The following AGAP1 variants were observed in gnomAD, a reference collection of about 807,000 sequenced individuals.
AGAP1 encodes arf-GAP with GTPase, ANK repeat and PH domain-containing protein 1.
In AGAP1, 29 loss-of-function variants were observed where a neutral mutation model predicts 105.3. The observed-to-expected ratio is 0.28, with a 90% confidence interval of 0.21 to 0.38. The LOEUF is 0.38. Among genes scored for constraint, AGAP1 ranks in the 10% least tolerant of loss-of-function variants. The pLI is 1.00. For synonymous variants in AGAP1, 509 were observed against 485.9 expected, an observed-to-expected ratio of 1.05 and a Z score of -0.63; for missense variants, 998 against 1,165.1, an observed-to-expected ratio of 0.86 and a Z score of 2.09.
At chr2:235,661,932 G>A (rs1947971322) in intron 1 of AGAP1, among the ~76,000 whole-genome samples, 1 of 152,188 alleles carries the variant, frequency 6.6e-6, no homozygotes, top group South Asian at 2.1e-4. Context: ...CCCTACAGCT[G>A]GAGGGGAAGT....
intron 9 of AGAP1, among the ~76,000 whole-genome samples, chr2:235,818,043 C>T (rs1207512697): frequency 4.6e-5 from 7 of 152,194 alleles, no homozygotes; most frequent in Non-Finnish European, 8.8e-5. Context: ...AAGTCTAGTC[C>T]TCCTGGTTCA....
rs1199653069 is a variant in AGAP1, at chr2:236,002,256, C to G, written c.1645+33633C>G. Among the ~76,000 whole-genome samples, 1 of 152,150 alleles carries G rather than the reference C, an allele frequency of 6.6e-6. No homozygotes were observed. The highest frequency in any genetic ancestry group is 2.1e-4 in the South Asian group (1 of 4,826). On this transcript the variant is annotated intron_variant, in intron 13 of 17. Transcript: ENST00000304032. This position sits in a 1 kb window ranked among gnomAD's most constrained non-coding sequence, Gnocchi z 4.3. ...AATAAACAGACAAACACAACATGACCCACGCACCCAGCCTGAGCCCAGGAG... is the reference window on the plus strand; with the variant it reads ...AATAAACAGACAAACACAACATGACGCACGCACCCAGCCTGAGCCCAGGAG...
rs557026385 is a variant in AGAP1 at position 235,953,224 on chromosome 2, A to G, written c.1484-15238A>G. On this transcript the variant is annotated intron_variant, in intron 12 of 17. Coordinates refer to ENST00000304032, the MANE Select transcript of AGAP1 (RefSeq NM_001037131.3). The surrounding 1 kb of genome is among the most constrained non-coding windows in gnomAD (Gnocchi z 5.2). Reference sequence around the variant, plus strand: ...TTTTAGGTGTTTACAAAATATTTCTATGAGGACAGATAAGGGGGAATGAAT... The same window carrying G: ...TTTTAGGTGTTTACAAAATATTTCTGTGAGGACAGATAAGGGGGAATGAAT... Among the ~76,000 whole-genome samples, 1 of 152,348 alleles carries G rather than the reference A, an allele frequency of 6.6e-6. No homozygotes were observed. Among genetic ancestry groups the G allele is most frequent in the Non-Finnish European group, 1.5e-5 (1 of 68,024 alleles).
chr2:235,654,811 G>T (rs542322229), intron 1 of AGAP1, among the ~76,000 whole-genome samples: 3 of 152,028 alleles, frequency 2.0e-5, no homozygotes, highest in Non-Finnish European at 2.9e-5. Flanking sequence ...TTATTTTCAC[G>T]TAGGCAAGTG....
At chr2:235,539,971 G>A (rs1574803141) in intron 1 of AGAP1, among the ~76,000 whole-genome samples, 1 of 152,194 alleles carries the variant, frequency 6.6e-6, no homozygotes, top group South Asian at 2.1e-4. Flanking sequence ...CTCCGTTCAG[G>A]CCCACAGGAC....
chr2:235,882,377 C>G lies in AGAP1; in HGVS notation c.1051-968C>G. ...CTCCGGGCTCTTAGGAAATTTCACT[C>G]CGCTTCTGCCCAGTGGTCTCTTTGG... On this transcript the variant is annotated intron_variant, in intron 9 of 17. Coordinates refer to ENST00000304032, the MANE Select transcript of AGAP1 (RefSeq NM_001037131.3). The surrounding 1 kb of genome is among the most constrained non-coding windows in gnomAD (Gnocchi z 4.6). The G allele has an allele frequency of 4.7e-6, 7 of 1,503,678 alleles. No individual in the cohort carries two copies. The highest frequency in any genetic ancestry group is 5.5e-6 in the Non-Finnish European group (6 of 1,091,746). The allele number at this position is 1,503,678 out of a possible 1,614,324, so 93.1% of individuals were successfully genotyped here. A position where few individuals can be genotyped will look rare whatever the true frequency, so the allele number is the denominator to read the frequency against.
rs912737007 is a variant in AGAP1 at position 235,787,604 on chromosome 2, C to G, written c.674-10155C>G. Among the ~76,000 whole-genome samples the G allele has an allele frequency of 1.3e-5, 2 of 152,178 alleles. No individual in the cohort carries two copies. Among genetic ancestry groups the G allele is most frequent in the South Asian group, 4.1e-4 (2 of 4,832 alleles). ...GTCTGGATTTCACAATCTCCCACAT[C>G]TAGCAAATTGCCTGGCATATACTAG... On this transcript the variant is annotated intron_variant, in intron 6 of 17. Transcript: ENST00000304032. The surrounding 1 kb of genome is among the most constrained non-coding windows in gnomAD (Gnocchi z 4.4).
chr2:235,902,471 C>G (rs1559626998), intron 10 of AGAP1, among the ~76,000 whole-genome samples: 1 of 152,154 alleles, frequency 6.6e-6, no homozygotes, highest in African/African-American at 2.4e-5. Context: ...ATACCCCGGT[C>G]ATTTCAAGAA....
At chr2:236,116,240 C>T (rs536477497) in intron 16 of AGAP1, among the ~76,000 whole-genome samples, 1 of 152,082 alleles carries the variant, frequency 6.6e-6, no homozygotes, top group Admixed American at 6.5e-5. Flanking sequence ...CTCAGCCTCC[C>T]TTTTGTGGGT....
At chr2:235,617,973 G>A (rs1033812214) in intron 1 of AGAP1, among the ~76,000 whole-genome samples, 4 of 152,104 alleles carry the variant, frequency 2.6e-5, no homozygotes, top group African/African-American at 7.2e-5. Context: ...GGGCCGGCGA[G>A]TTAACTGAAC....
chr2:235,876,705 T>C (rs951917906), intron 9 of AGAP1, among the ~76,000 whole-genome samples: 36 of 152,224 alleles, frequency 2.4e-4, no homozygotes, highest in African/African-American at 8.2e-4. Flanking sequence ...CCCAGCACCT[T>C]GTCCCGATTT....
At chr2:235,644,594 T>A (rs1011876540) in intron 1 of AGAP1, among the ~76,000 whole-genome samples, 3 of 152,036 alleles carry the variant, frequency 2.0e-5, no homozygotes, top group Non-Finnish European at 4.4e-5. Flanking sequence ...CATTCAAACA[T>A]CCCTGTTGGG....
intron 1 of AGAP1, among the ~76,000 whole-genome samples, chr2:235,519,025 A>T (rs1942511593): frequency 6.6e-6 from 1 of 152,232 alleles, no homozygotes. Flanking sequence ...TACTATTCAC[A>T]ACAGCAATTT....
rs537000713 is a variant in AGAP1 at position 235,622,018 on chromosome 2, A to G, written c.164-87161A>G. 8.5e-5 allele frequency among the ~76,000 whole-genome samples: 13 copies of G among 152,256 alleles called. No homozygotes were observed. In the South Asian group the frequency reaches 2.5e-3, roughly 29 times the overall value. On this transcript the variant is annotated intron_variant, in intron 1 of 17. Coordinates refer to ENST00000304032, the MANE Select transcript of AGAP1 (RefSeq NM_001037131.3). This position sits in a 1 kb window ranked among gnomAD's most constrained non-coding sequence, Gnocchi z 5.0. ...GAATTTTAAATGCATTCCTCTAACT[A>G]GTGGTCAGCTTGCTACTGTCCAACC...
chr2:235,823,253 A>G (rs1482212718), intron 9 of AGAP1, among the ~76,000 whole-genome samples: 2 of 152,170 alleles, frequency 1.3e-5, no homozygotes, highest in East Asian at 1.9e-4. Flanking sequence ...ATAATTCTAT[A>G]GATTAACCCT....
rs1316033203 is a variant in AGAP1, at chr2:236,055,351, G to A, written c.2114+6070G>A. Among the ~76,000 whole-genome samples the A allele has an allele frequency of 1.3e-5, 2 of 152,202 alleles. No homozygotes were observed. Among genetic ancestry groups the A allele is most frequent in the Non-Finnish European group, 2.9e-5 (2 of 68,036 alleles). ...GTGGCTTTATGTGCCTTGTTTTCAT[G>A]TGTTTCTTTCAGTGCTCTCAGGGAG... On this transcript the variant is annotated intron_variant, in intron 16 of 17. Transcript: ENST00000304032. The surrounding 1 kb of genome is among the most constrained non-coding windows in gnomAD (Gnocchi z 6.2).
chr2:235,498,493 C>T (rs1001360103), intron 1 of AGAP1, among the ~76,000 whole-genome samples: 7 of 152,230 alleles, frequency 4.6e-5, no homozygotes, highest in African/African-American at 1.4e-4. Context: ...GCCATCTCGC[C>T]TCCAGTCTGA....
Position 235,961,123 on chromosome 2 carries a change from G to A in AGAP1, c.1484-7339G>A, listed in dbSNP as rs370115336. Among the ~76,000 whole-genome samples, 2 of 152,198 alleles carry A rather than the reference G, an allele frequency of 1.3e-5. No homozygotes were observed. The highest frequency in any genetic ancestry group is 2.9e-5 in the Non-Finnish European group (2 of 68,046). On this transcript the variant is annotated intron_variant, in intron 12 of 17. Transcript: ENST00000304032. The surrounding 1 kb of genome is among the most constrained non-coding windows in gnomAD (Gnocchi z 5.9). ...GCGAAGGCCTGCCTTCCTGAAGCTC[G>A]AGCGCTCATAGGGAAGATGTTCCGT...
rs539280375 is a variant in AGAP1 at position 236,042,948 on chromosome 2, C to T, written c.1891+2107C>T. 2.6e-4 allele frequency among the ~76,000 whole-genome samples: 40 copies of T among 152,320 alleles called. No individual in the cohort carries two copies. In the Middle Eastern group the frequency reaches 0.01, roughly 39 times the overall value. On this transcript the variant is annotated intron_variant, in intron 15 of 17. Transcript: ENST00000304032. This position sits in a 1 kb window ranked among gnomAD's most constrained non-coding sequence, Gnocchi z 5.6. ...TAGTAGTTGGTGCCCCTGTGGGCCC[C>T]ACTTAAAGGGGAGGAATTGAGGAGC... is the stretch of plus-strand genomic sequence containing the variant.
Sources: allele counts gnomAD v4.1 joint callset (sites outside exome capture counted in the v4.1 genomes callset), GRCh38; gene constraint gnomAD v4.1.1; non-coding constraint Gnocchi (gnomAD v3.1); transcripts MANE v1.5; gene names NCBI Gene and HGNC (gene_info 2026-07-23, HGNC 2026-07-21).